STEAP1B: variants seen among roughly 807,000 people sequenced by gnomAD.
The protein encoded by STEAP1B is STEAP family protein MGC87042.
STEAP1B carries 13 observed loss-of-function variants against 27.9 expected under a neutral mutation model. The observed-to-expected ratio is 0.47, with a 90% confidence interval of 0.30 to 0.74. The LOEUF (loss-of-function observed/expected upper bound fraction) is 0.74, where lower values mean the gene tolerates loss of function less well. STEAP1B is among the 30% of genes least tolerant of loss of function. The pLI, the probability that STEAP1B is intolerant of heterozygous loss-of-function variation, is 0.06. For synonymous variants in STEAP1B, 86 were observed against 107.1 expected, an observed-to-expected ratio of 0.80 and a Z score of 1.22; for missense variants, 250 against 298.7, an observed-to-expected ratio of 0.84 and a Z score of 1.20.
chr7:22,445,549 G>A (rs4722141), intron 4 of STEAP1B, among the ~76,000 whole-genome samples: 4,518 of 152,354 alleles, frequency 0.03, 93 homozygotes, highest in Admixed American at 0.043. Context: ...GCTGAGGGGC[G>A]GAGGCCAGCG....
intron 4 of STEAP1B, among the ~76,000 whole-genome samples, chr7:22,436,619 C>T (rs1226021126): frequency 6.7e-6 from 1 of 149,740 alleles, no homozygotes; most frequent in African/African-American, 2.4e-5. Flanking sequence ...TCATTTAGCT[C>T]CCACTTACAA....
At chr7:22,440,433 G>T (rs1419811400) in intron 4 of STEAP1B, among the ~76,000 whole-genome samples, 1 of 152,122 alleles carries the variant, frequency 6.6e-6, no homozygotes, top group African/African-American at 2.4e-5. Context: ...GGGGTATCTT[G>T]TAAAAATATT....
rs1027325981 is a variant in STEAP1B, at chr7:22,464,963, A to G, written c.762+27602T>C. 1.4e-4 allele frequency among the ~76,000 whole-genome samples: 18 copies of G among 129,044 alleles called. 4 individuals are homozygous for G. Among genetic ancestry groups the G allele is most frequent in the African/African-American group, 4.5e-4 (16 of 35,500 alleles). 84.7% of individuals were successfully genotyped at this position (129,044 alleles called of 152,430 possible). A position where few individuals can be genotyped will look rare whatever the true frequency, so the allele number is the denominator to read the frequency against. The stretch of plus-strand genomic sequence containing the variant: ...TACCAAACCCCATATATATATATAT[A>G]TGTAGGCACAATAAGAGATTAACAA... On this transcript the variant is annotated intron_variant, in intron 4 of 4. Transcript: ENST00000678116.
intron 4 of STEAP1B, among the ~76,000 whole-genome samples, chr7:22,479,149 A>G (rs759667919): frequency 2.0e-5 from 3 of 152,216 alleles, no homozygotes; most frequent in Non-Finnish European, 4.4e-5. Context: ...CATCCATCCT[A>G]CATTATTACT....
chr7:22,467,546 G>C (rs1328989531), intron 4 of STEAP1B, among the ~76,000 whole-genome samples: 1 of 152,194 alleles, frequency 6.6e-6, no homozygotes, highest in Admixed American at 6.5e-5. Context: ...TTGTAGGAGG[G>C]ACCCAGTGGG....
chr7:22,420,259 A>G lies in STEAP1B; in HGVS notation c.763-423T>C, dbSNP rs556295753. ...TTAAACAGTAGGCACAGTAAAAGAA[A>G]GTGTGTAAAAGTGGCTTCTCCCTCT... On this transcript the variant is annotated intron_variant, in intron 4 of 4. Transcript: ENST00000678116. Among the ~76,000 whole-genome samples the G allele has an allele frequency of 2.6e-5, 4 of 152,328 alleles. No homozygotes were observed. In the South Asian group the frequency reaches 8.3e-4, roughly 32 times the overall value.
At chr7:22,483,233 C>G (rs943344724) in intron 4 of STEAP1B, among the ~76,000 whole-genome samples, 4 of 152,040 alleles carry the variant, frequency 2.6e-5, no homozygotes, top group African/African-American at 9.7e-5. Context: ...CCTACTCATT[C>G]TGTCATCTGG....
At chr7:22,459,425 T>G (rs889335218) in intron 4 of STEAP1B, among the ~76,000 whole-genome samples, 1 of 152,256 alleles carries the variant, frequency 6.6e-6, no homozygotes, top group Non-Finnish European at 1.5e-5. Flanking sequence ...AACTGCTTTG[T>G]ACCTTGATTC....
At chr7:22,467,074 T>C (rs963223685) in intron 4 of STEAP1B, among the ~76,000 whole-genome samples, 4 of 152,174 alleles carry the variant, frequency 2.6e-5, no homozygotes, top group Admixed American at 2.6e-4. Flanking sequence ...GAAATATAAT[T>C]GAAGGTTGTT....
chr7:22,454,866 T>TATATA (rs58504014), intron 4 of STEAP1B, among the ~76,000 whole-genome samples: 9 of 57,146 alleles, frequency 1.6e-4, no homozygotes, highest in Non-Finnish European at 2.6e-4. Context: ...TATATATATA[T>TATATA]TTTTTTTTTT....
chr7:22,456,007 C>T (rs575022904), intron 4 of STEAP1B, among the ~76,000 whole-genome samples: 69 of 152,144 alleles, frequency 4.5e-4, no homozygotes, highest in African/African-American at 1.5e-3. Context: ...ATTAGCTGGG[C>T]CTGGTGGTGA....
intron 4 of STEAP1B, among the ~76,000 whole-genome samples, chr7:22,453,302 G>A (rs1192895817): frequency 6.6e-6 from 1 of 152,214 alleles, no homozygotes; most frequent in Non-Finnish European, 1.5e-5. Flanking sequence ...TAGGGTAGAA[G>A]GCTGAGGCAT....
chr7:22,458,341 C>T (rs577720484), intron 4 of STEAP1B, among the ~76,000 whole-genome samples: 14 of 152,098 alleles, frequency 9.2e-5, no homozygotes, highest in South Asian at 2.1e-4. Context: ...AGTAGAGGCT[C>T]GGAGCCAGAG....
chr7:22,484,164 C>T (rs1786134285), intron 4 of STEAP1B, among the ~76,000 whole-genome samples: 1 of 152,214 alleles, frequency 6.6e-6, no homozygotes, highest in African/African-American at 2.4e-5. Flanking sequence ...ATCATTGAAG[C>T]AGGTGGCTAC....
intron 4 of STEAP1B, among the ~76,000 whole-genome samples, chr7:22,458,863 G>A (rs961039838): frequency 6.6e-6 from 1 of 151,982 alleles, no homozygotes; most frequent in Non-Finnish European, 1.5e-5. Flanking sequence ...TTTAAGCTAG[G>A]GTGTGGTACG....
intron 4 of STEAP1B, among the ~76,000 whole-genome samples, chr7:22,446,334 C>T (rs540518197): frequency 8.5e-5 from 13 of 152,338 alleles, no homozygotes; most frequent in South Asian, 2.1e-4. Context: ...GACAGGACTG[C>T]GCTTTGCAAG....
intron 4 of STEAP1B, among the ~76,000 whole-genome samples, chr7:22,429,494 G>A (rs1405142088): frequency 1.3e-5 from 2 of 152,092 alleles, no homozygotes; most frequent in South Asian, 4.2e-4. Flanking sequence ...TCTGAAGAGT[G>A]GGTATTACTA....
rs541479863 is a variant in STEAP1B, at chr7:22,469,905, G to T, written c.762+22660C>A. Among the ~76,000 whole-genome samples the T allele has an allele frequency of 2.6e-5, 4 of 152,316 alleles. No homozygotes were observed. The East Asian group carries it at 7.7e-4, about 29-fold the overall frequency. On this transcript the variant is annotated intron_variant, in intron 4 of 4. Transcript: ENST00000678116. ...AGGAGAAAAGCTAGAATAAACTCCA[G>T]TGCTGGACTGTAGTTAGTTATCATG...
chr7:22,450,729 T>C (rs1785473982), intron 4 of STEAP1B, among the ~76,000 whole-genome samples: 1 of 152,088 alleles, frequency 6.6e-6, no homozygotes, highest in Non-Finnish European at 1.5e-5. Context: ...ATCTGTACAC[T>C]GCTTTGGGTA....
Sources: gnomAD v4.1 joint callset for allele counts (sites outside exome capture counted in the v4.1 genomes callset) on GRCh38, gnomAD v4.1.1 for gene constraint, MANE v1.5 for transcripts, NCBI Gene and HGNC (gene_info 2026-07-23, HGNC 2026-07-21) for gene names.